Variants in FLACC1 observed in about 807,000 individuals in gnomAD.
FLACC1 encodes flagellum-associated coiled-coil domain-containing protein 1.
FLACC1 carries 66 observed loss-of-function variants against 62.8 expected under a neutral mutation model. The ratio of observed to expected loss-of-function variants is 1.05; its 90% CI spans 0.86 to 1.29. The LOEUF is 1.29. Ranked by LOEUF, FLACC1 falls within the 50% of genes most tolerant of loss-of-function variation. The probability of loss-of-function intolerance (pLI) is 0.00; values close to 1 mark genes in which losing one functional copy is unlikely to be tolerated. For synonymous variants in FLACC1, 156 were observed against 161.0 expected (o/e 0.97, Z 0.24); for missense variants, 452 against 489.1 (o/e 0.92, Z 0.71).
chr2:201,361,441 A>G (rs1951185319), upstream of FLACC1, among the ~76,000 whole-genome samples: 1 of 152,234 alleles, frequency 6.6e-6, no homozygotes, highest in Non-Finnish European at 1.5e-5. Flanking sequence ...AGTGGTGCTG[A>G]GCACCCATTT....
At chr2:201,350,499 T>C (rs1327564498) in intron 3 of FLACC1, among the ~76,000 whole-genome samples, 2 of 151,996 alleles carry the variant, frequency 1.3e-5, no homozygotes, top group East Asian at 3.9e-4. Context: ...GGCAATGTGG[T>C]GAAACCCCGT....
intron 5 of FLACC1, among the ~76,000 whole-genome samples, chr2:201,345,787 C>T (rs935479944): frequency 1.3e-5 from 2 of 152,130 alleles, no homozygotes; most frequent in Non-Finnish European, 2.9e-5. Flanking sequence ...ACAGACAGGA[C>T]AGCTGTGCTA....
At chr2:201,322,063 G>C (rs1950413487) in intron 9 of FLACC1, among the ~76,000 whole-genome samples, 1 of 152,120 alleles carries the variant, frequency 6.6e-6, no homozygotes, top group Non-Finnish European at 1.5e-5. Context: ...GAGGTCAGGG[G>C]TTCGAGACCA....
rs766488965 is a variant in FLACC1 at position 201,288,680 on chromosome 2, C to G, written c.1244G>C (p.Gly415Ala). The G allele has an allele frequency of 9.9e-6, 16 of 1,613,540 alleles. No homozygotes were observed. Among genetic ancestry groups the G allele is most frequent in the Non-Finnish European group, 1.3e-5 (15 of 1,179,700 alleles). ...TTATGATTCTTGTCCTTTCTTGCTA[C>G]CATCTTGCACAGTGTCAGAATCATC... ...SKDDSDTVQD[G>A]SKKGQES The change falls in exon 15 of 15, where the codon GGT (glycine) becomes GCT (alanine). Residue 415 changes from glycine to alanine, a missense_variant. Gly to Ala is a moderately conservative substitution (Grantham distance 60). This residue lies in a region of FLACC1 where 301 missense variants were observed against 318.4 expected (regional missense o/e 0.95). Coordinates refer to ENST00000392257, the MANE Select transcript of FLACC1 (RefSeq NM_001127391.3).
chr2:201,304,777 C>T (rs1161062556), intron 11 of FLACC1, among the ~76,000 whole-genome samples: 2 of 152,066 alleles, frequency 1.3e-5, no homozygotes, highest in African/African-American at 2.4e-5. Context: ...AAAATAATAC[C>T]ACGCATCTAC....
chr2:201,310,828 C>T (rs894978213), intron 9 of FLACC1, among the ~76,000 whole-genome samples: 1 of 151,542 alleles, frequency 6.6e-6, no homozygotes, highest in African/African-American at 2.4e-5. Flanking sequence ...TTCAAAAACC[C>T]ATACAAAGAA....
chr2:201,292,549 C>A (rs1052177688), intron 12 of FLACC1, among the ~76,000 whole-genome samples: 3 of 152,136 alleles, frequency 2.0e-5, no homozygotes, highest in Admixed American at 6.5e-5. Flanking sequence ...AAGGAACAAC[C>A]GGTACCAGCC....
chr2:201,336,364 A>G (rs1950696629), intron 7 of FLACC1, among the ~76,000 whole-genome samples: 1 of 152,156 alleles, frequency 6.6e-6, no homozygotes, highest in Admixed American at 6.5e-5. Flanking sequence ...GCTGTGTAGT[A>G]TTGTATGGTG....
chr2:201,336,766 C>T (rs1264107201), intron 7 of FLACC1, among the ~76,000 whole-genome samples: 1 of 152,192 alleles, frequency 6.6e-6, no homozygotes, highest in African/African-American at 2.4e-5. Flanking sequence ...TTTCCACCAA[C>T]AGTATATAAG....
rs568573975 is a variant in FLACC1 at position 201,289,697 on chromosome 2, T to A, written c.1031A>T (p.Glu344Val). Residue 344 changes from glutamate (E) to valine (V), a missense_variant and splice_region_variant, in exon 13 of 15, where the codon GAG (glutamate) becomes GTG (valine). This residue lies in a region of FLACC1 where 301 missense variants were observed against 318.4 expected (regional missense o/e 0.95). Transcript: ENST00000392257. ...LYYTQLELQKEKAIVGNLEKM... is the reference protein window; with the variant it reads ...LYYTQLELQKVKAIVGNLEKM... ...ATCCCCACTCCAGTAGGGACTCACC[T>A]CTTTCTGGAGTTCCAACTGGGTATA... 11 of 1,613,690 alleles carry A rather than the reference T, an allele frequency of 6.8e-6. No individual in the cohort carries two copies. The African/African-American group carries it at 1.3e-4, about 20-fold the overall frequency.
chr2:201,303,176 C>A lies in FLACC1; in HGVS notation c.880-3876G>T, dbSNP rs1277781493. On this transcript the variant is annotated intron_variant, in intron 11 of 14. Coordinates refer to ENST00000392257, the MANE Select transcript of FLACC1 (RefSeq NM_001127391.3). ...TGAAAAGATCAACAAAATTGATAGA[C>A]CGCTAGCAAGACTAATAAAGAAGAA... Among the ~76,000 whole-genome samples the A allele has an allele frequency of 3.3e-5, 5 of 152,006 alleles. No individual in the cohort carries two copies. The East Asian group carries it at 5.8e-4, about 18-fold the overall frequency.
At chr2:201,302,779 C>A (rs1373184324) in intron 11 of FLACC1, among the ~76,000 whole-genome samples, 1 of 152,196 alleles carries the variant, frequency 6.6e-6, no homozygotes, top group Non-Finnish European at 1.5e-5. Flanking sequence ...TAAGAACTCA[C>A]TCAAAACAGC....
chr2:201,296,086 T>C (rs1477588002), intron 12 of FLACC1, among the ~76,000 whole-genome samples: 1 of 152,158 alleles, frequency 6.6e-6, no homozygotes, highest in Non-Finnish European at 1.5e-5. Flanking sequence ...AGTTCAACCA[T>C]TGTGGAAGTC....
chr2:201,343,144 C>T (rs967816834), intron 6 of FLACC1, among the ~76,000 whole-genome samples: 1 of 152,224 alleles, frequency 6.6e-6, no homozygotes, highest in African/African-American at 2.4e-5. Flanking sequence ...CGTCAGCCAA[C>T]ACTACTCCCT....
At position 201,342,514 on chromosome 2, in the gene FLACC1, T is replaced by A. The variant is rs185456487; in HGVS notation, c.463-83A>T. ...TGCACCTTCTGAAAAGCCTTCCAATTTATGGGGCACAGCCGCCTTCCAATT... is the reference window on the plus strand; with the variant it reads ...TGCACCTTCTGAAAAGCCTTCCAATATATGGGGCACAGCCGCCTTCCAATT... On this transcript the variant is annotated intron_variant, in intron 6 of 14. Coordinates refer to ENST00000392257, the MANE Select transcript of FLACC1 (RefSeq NM_001127391.3). 211 of 1,407,446 alleles carry A rather than the reference T, an allele frequency of 1.5e-4. No homozygotes were observed. The African/African-American group carries it at 2.6e-3, about 17-fold the overall frequency. 87.2% of individuals were successfully genotyped at this position (1,407,446 alleles called of 1,614,324 possible). A position where few individuals can be genotyped will look rare whatever the true frequency, so the allele number is the denominator to read the frequency against.
chr2:201,300,017 T>G (rs1949944003), intron 11 of FLACC1, among the ~76,000 whole-genome samples: 1 of 152,164 alleles, frequency 6.6e-6, no homozygotes, highest in Non-Finnish European at 1.5e-5. Context: ...GACAGGTGAT[T>G]TCTGCATTTC....
At chr2:201,317,674 T>G (rs1950330908) in intron 9 of FLACC1, among the ~76,000 whole-genome samples, 1 of 151,842 alleles carries the variant, frequency 6.6e-6, no homozygotes, top group Non-Finnish European at 1.5e-5. Context: ...ACCACCATCG[T>G]TTTTCACAGA....
At chr2:201,342,675 G>A (rs1467190106) in intron 6 of FLACC1, among the ~76,000 whole-genome samples, 6 of 152,210 alleles carry the variant, frequency 3.9e-5, no homozygotes, top group Admixed American at 1.3e-4. Flanking sequence ...TAATGTTGGT[G>A]CATCTCTTTC....
rs755344018 is a variant in FLACC1, at chr2:201,319,012, G to A, written c.676-9762C>T. On this transcript the variant is annotated intron_variant, in intron 9 of 14. Transcript: ENST00000392257. ...GTGCAGTGTATACTGCTCGGGTGAT[G>A]GGCACACCAAAATCTCACAAATCAC... is the stretch of plus-strand genomic sequence containing the variant. 3.6e-4 allele frequency among the ~76,000 whole-genome samples: 55 copies of A among 152,154 alleles called. No individual in the cohort carries two copies. In the South Asian group the frequency reaches 5.8e-3, roughly 16 times the overall value.
Sources: gnomAD v4.1 joint callset for allele counts (sites outside exome capture counted in the v4.1 genomes callset) on GRCh38, gnomAD v4.1.1 for gene constraint, gnomAD v4.1.1 regional missense constraint, MANE v1.5 for transcripts, NCBI Gene and HGNC (gene_info 2026-07-23, HGNC 2026-07-21) for gene names.